The following ALG12 variants were observed in gnomAD, a reference collection of about 807,000 sequenced individuals.
ALG12 encodes the protein dol-P-Man:Man(7)GlcNAc(2)-PP-Dol alpha-1,6-mannosyltransferase.
A neutral mutation model predicts 46.0 loss-of-function variants in ALG12; 36 were observed. The ratio of observed to expected loss-of-function variants is 0.78; its 90% CI spans 0.60 to 1.03. The LOEUF is 1.03. ALG12 is among the 50% of genes least tolerant of loss of function. ALG12 has a pLI of 0.00. For synonymous variants in ALG12, 326 were observed against 291.6 expected, an observed-to-expected ratio of 1.12 and a Z score of -1.20; for missense variants, 599 against 633.5, an observed-to-expected ratio of 0.95 and a Z score of 0.58.
chr22:49,892,187 CAAA>C, the ALG12 span, among the ~76,000 whole-genome samples: 2,715 of 55,034 alleles, frequency 0.049, 24 homozygotes, highest in East Asian at 0.12. Flanking sequence ...GACTCTGTCT[CAAA>C]AAAAAAAAAA....
chr22:49,910,800 G>C (rs2060572454), intron 3 of ALG12, among the ~76,000 whole-genome samples, 193 bp from the exon 4 acceptor site: 1 of 152,230 alleles, frequency 6.6e-6, no homozygotes, highest in Non-Finnish European at 1.5e-5. Context: ...CTGGACCCAG[G>C]CCCCCTGCGC....
the ALG12 span, chr22:49,886,520 C>T: frequency 6.4e-7 from 1 of 1,569,364 alleles, no homozygotes; most frequent in East Asian, 2.2e-5. The surrounding 1 kb of genome is among the most constrained non-coding windows in gnomAD (Gnocchi z 7.7). Context: ...CAGATGTCCA[C>T]CCTCAGCCAG....
chr22:49,892,174 C>T, the ALG12 span, among the ~76,000 whole-genome samples: 3 of 95,578 alleles, frequency 3.1e-5, no homozygotes, highest in South Asian at 3.7e-4. Flanking sequence ...GGCGACAGAG[C>T]AAGACTCTGT....
At chr22:49,894,926 G>A in the ALG12 span, among the ~76,000 whole-genome samples, 3 of 152,236 alleles carry the variant, frequency 2.0e-5, no homozygotes, top group Admixed American at 1.3e-4. Context: ...ACAGCTGAGT[G>A]AGGAGAGAGG....
At chr22:49,886,032 C>T in the ALG12 span, 17 of 685,574 alleles carry the variant, frequency 2.5e-5, 2 homozygotes, top group Admixed American at 6.9e-5. The surrounding 1 kb of genome is among the most constrained non-coding windows in gnomAD (Gnocchi z 7.7). Context: ...AGCTGGAGTG[C>T]TGGTGGGAAG....
At position 49,909,245 on chromosome 22, in the gene ALG12, C is replaced by T. The variant is rs1361680026; in HGVS notation, c.767G>A (p.Gly256Glu). Residue 256 changes from glycine (G) to glutamate (E), a missense_variant and splice_region_variant, in exon 6 of 10, where the codon GGG (glycine) becomes GAG (glutamate). Transcript: ENST00000330817. Reference protein sequence around the residue: ...NTVLNKSSNWGTSPLLWYFYS... With the variant: ...NTVLNKSSNWETSPLLWYFYS... ...TCCTGCACGGACACTGAAGGATACC[C>T]CCCAGTTGGAGCTTTTGTTCAGGAC... 6.2e-7 allele frequency: 1 copy of T among 1,614,228 alleles called. No homozygotes were observed. Among genetic ancestry groups the T allele is most frequent in the Non-Finnish European group, 8.5e-7 (1 of 1,180,026 alleles).
chr22:49,885,568 T>C, the ALG12 span: 4 of 1,603,458 alleles, frequency 2.5e-6, no homozygotes, highest in Non-Finnish European at 3.4e-6. Context: ...CACAGAATTA[T>C]CAGGCGCTTC....
chr22:49,912,912 T>C (rs1038283659), intron 3 of ALG12, among the ~76,000 whole-genome samples: 1 of 152,154 alleles, frequency 6.6e-6, no homozygotes, highest in African/African-American at 2.4e-5. Context: ...GTACAAAACG[T>C]TCTAATTTTT....
the ALG12 span, among the ~76,000 whole-genome samples, chr22:49,871,753 ATTTATTTTT>A: frequency 4.5e-4 from 21 of 46,828 alleles, 1 homozygote; most frequent in African/African-American, 8.9e-4. Context: ...TTATTTATTT[ATTTATTTTT>A]TTTTTTTTTT....
the ALG12 span, among the ~76,000 whole-genome samples, chr22:49,874,052 T>G: frequency 6.6e-6 from 1 of 152,226 alleles, no homozygotes; most frequent in South Asian, 2.1e-4. Flanking sequence ...TAGTACTGTT[T>G]TGTAGAGGCC....
rs1399760676 is a variant in ALG12 at position 49,900,975 on chromosome 22, G to C, written c.*2863C>G. On this transcript the variant is annotated 3_prime_UTR_variant, in exon 10 of 10. Transcript: ENST00000330817. Reference sequence around the variant, plus strand: ...CCAAGACCCACAGAGCAATGGCCGAGGCCAGAGGCCCAAGAGGACGCCCTG... The same window carrying C: ...CCAAGACCCACAGAGCAATGGCCGACGCCAGAGGCCCAAGAGGACGCCCTG... 2 of 152,276 alleles carry C rather than the reference G, an allele frequency of 1.3e-5. No individual in the cohort carries two copies. The highest frequency in any genetic ancestry group is 4.8e-5 in the African/African-American group (2 of 41,460). The allele number at this position is 152,276 out of a possible 1,614,324, so 9.4% of individuals were successfully genotyped here.
the ALG12 span, among the ~76,000 whole-genome samples, chr22:49,894,787 C>T: frequency 1.3e-5 from 2 of 152,248 alleles, no homozygotes; most frequent in Non-Finnish European, 2.9e-5. Context: ...CCCTCTGGCC[C>T]CAGTGACCAT....
the ALG12 span, among the ~76,000 whole-genome samples, chr22:49,864,906 C>CTTGA: frequency 7.1e-6 from 1 of 140,396 alleles, no homozygotes; most frequent in African/African-American, 3.0e-5. Context: ...TCAGATGCTC[C>CTTGA]TTGATTGACC....
At position 49,903,942 on chromosome 22, in the gene ALG12, C is replaced by G; in HGVS notation, c.1363G>C (p.Val455Leu). The G allele has an allele frequency of 6.2e-7, 1 of 1,614,208 alleles. No homozygotes were observed. Among genetic ancestry groups the G allele is most frequent in the Non-Finnish European group, 8.5e-7 (1 of 1,180,018 alleles). ...TTCAGACTCACACCTGTGGTCCCCACGACGCTGGCCAGGACCCGGTGTGTG... is the reference window on the plus strand; with the variant it reads ...TTCAGACTCACACCTGTGGTCCCCAGGACGCTGGCCAGGACCCGGTGTGTG... Reference protein sequence around the residue: ...RDTHRVLASVVGTTGVSLNLT... With the variant: ...RDTHRVLASVLGTTGVSLNLT... The change falls in exon 10 of 10, where the codon GTG becomes CTG. Residue 455 changes from valine to leucine, a missense_variant. Transcript: ENST00000330817.
chr22:49,893,394 A>G, the ALG12 span, among the ~76,000 whole-genome samples: 1 of 152,218 alleles, frequency 6.6e-6, no homozygotes, highest in African/African-American at 2.4e-5. Flanking sequence ...CCAAAGAGAA[A>G]GAGACAACCT....
At position 49,910,066 on chromosome 22, in the gene ALG12, C is replaced by T. The variant is rs749643723; in HGVS notation, c.492G>A (p.Trp164Ter). 1.2e-6 allele frequency: 2 copies of T among 1,611,082 alleles called. No homozygotes were observed. The highest frequency in any genetic ancestry group is 1.7e-6 in the Non-Finnish European group (2 of 1,179,058). Residue 164 changes from tryptophan (W) to a stop codon, truncating the protein, a stop_gained, in exon 5 of 10, where the codon TGG becomes TGA. Transcript: ENST00000330817. LOFTEE classifies it high-confidence loss of function. ...TGAAGCGGGCCCACTCGTGCCGCAG[C>T]CAGGCCGCGAGGGCCAGCAGGACTG... ...LPVVLLALAA[W>*]LRHEWARFIW...
the ALG12 span, chr22:49,887,383 C>G: frequency 2.1e-6 from 1 of 479,774 alleles, no homozygotes; most frequent in African/African-American, 1.9e-5. Context: ...ATTAAGACGT[C>G]CACTAGAAAT....
At chr22:49,910,848 T>C (rs1428330393) in intron 3 of ALG12, among the ~76,000 whole-genome samples, 2 of 152,202 alleles carry the variant, frequency 1.3e-5, no homozygotes, top group Non-Finnish European at 2.9e-5. Context: ...GGGGCTGCTC[T>C]CTGAAGCATG....
chr22:49,886,998 G>A, the ALG12 span: 146 of 1,614,056 alleles, frequency 9.0e-5, no homozygotes, highest in African/African-American at 1.1e-3. This position sits in a 1 kb window ranked among gnomAD's most constrained non-coding sequence, Gnocchi z 7.7. Context: ...CGTCCTGGCC[G>A]GGGCTGTCCG....
Sources: allele counts gnomAD v4.1 joint callset (sites outside exome capture counted in the v4.1 genomes callset), GRCh38; gene constraint gnomAD v4.1.1; non-coding constraint Gnocchi (gnomAD v3.1); transcripts MANE v1.5; gene names NCBI Gene and HGNC (gene_info 2026-07-23, HGNC 2026-07-21).